FARP1: variants seen among roughly 807,000 people sequenced by gnomAD.
The protein encoded by FARP1 is FERM, ARHGEF and pleckstrin domain-containing protein 1.
A neutral mutation model predicts 128.8 loss-of-function variants in FARP1; 52 were observed. The ratio of observed to expected loss-of-function variants is 0.40; its 90% CI spans 0.32 to 0.51. The LOEUF (loss-of-function observed/expected upper bound fraction) is 0.51. Among genes scored for constraint, FARP1 ranks in the 20% least tolerant of loss-of-function variants. FARP1 has a pLI of 0.45. For synonymous variants in FARP1, 580 were observed against 551.8 expected (o/e 1.05, Z -0.72); for missense variants, 1,333 against 1,367.9 (o/e 0.97, Z 0.40).
chr13:98,388,095 G>C (rs1254767336), intron 8 of FARP1, among the ~76,000 whole-genome samples: 1 of 152,094 alleles, frequency 6.6e-6, no homozygotes, highest in Non-Finnish European at 1.5e-5. Flanking sequence ...TGGTTGTCAT[G>C]GTTTTTATTT....
At chr13:98,197,796 G>A (rs1879666416) in intron 1 of FARP1, among the ~76,000 whole-genome samples, 2 of 151,898 alleles carry the variant, frequency 1.3e-5, no homozygotes, top group South Asian at 2.1e-4. Context: ...CACCACGCCC[G>A]GCTAATTTTT....
chr13:98,167,996 C>A (rs975371522), intron 1 of FARP1, among the ~76,000 whole-genome samples: 2 of 151,830 alleles, frequency 1.3e-5, no homozygotes, highest in Non-Finnish European at 2.9e-5. Context: ...CACGGTGAAA[C>A]CCCGTCTCTA....
At chr13:98,350,615 C>T (rs193298761) in intron 3 of FARP1, among the ~76,000 whole-genome samples, 20 of 152,238 alleles carry the variant, frequency 1.3e-4, no homozygotes, top group African/African-American at 4.6e-4. Context: ...GTTGTGTTAC[C>T]GCCCTGATCC....
chr13:98,285,938 C>A (rs996549229), intron 2 of FARP1, among the ~76,000 whole-genome samples: 8 of 152,104 alleles, frequency 5.3e-5, no homozygotes, highest in African/African-American at 1.9e-4. Flanking sequence ...TTTGGGGGTC[C>A]CCTGTGTCTA....
chr13:98,364,531 G>A (rs959288611), intron 3 of FARP1, among the ~76,000 whole-genome samples: 7 of 151,950 alleles, frequency 4.6e-5, no homozygotes, highest in Non-Finnish European at 8.8e-5. Context: ...GCTGTTTCTC[G>A]TTTTCATATT....
At position 98,225,326 on chromosome 13, in the gene FARP1, T is replaced by C. The variant is rs185465630; in HGVS notation, c.171+11913T>C. ...TGCACCCAAGTAGATTTCTCCACGA[T>C]GATCAGACCTCCTGTGTGTCGCCCA... On this transcript the variant is annotated intron_variant, in intron 2 of 26. Coordinates refer to ENST00000319562, the MANE Select transcript of FARP1 (RefSeq NM_005766.4). Among the ~76,000 whole-genome samples, 9 of 152,298 alleles carry C rather than the reference T, an allele frequency of 5.9e-5. No homozygotes were observed. The East Asian group carries it at 1.7e-3, about 29-fold the overall frequency.
intron 1 of FARP1, among the ~76,000 whole-genome samples, chr13:98,145,861 C>CAA (rs140525790): frequency 0.026 from 3,415 of 130,994 alleles, 81 homozygotes; most frequent in Non-Finnish European, 0.04. Flanking sequence ...GACTCTGTCT[C>CAA]AAAAAAAAAA....
chr13:98,438,808 T>G lies in FARP1; in HGVS notation c.2279T>G (p.Phe760Cys). 1 of 1,612,518 alleles carries G rather than the reference T, an allele frequency of 6.2e-7. No homozygotes were observed. The highest frequency in any genetic ancestry group is 8.5e-7 in the Non-Finnish European group (1 of 1,179,844). The change falls in exon 20 of 27, where the codon TTC (phenylalanine) becomes TGC (cysteine). Residue 760 changes from phenylalanine to cysteine, a missense_variant. Physicochemically the swap from Phe to Cys is radical, Grantham distance 205 (BLOSUM62 -2). Around this residue, in one of 2 missense-constraint regions of FARP1, gnomAD observed 1,009 missense variants for 969.8 expected, o/e 1.04. Transcript: ENST00000319562. The stretch of plus-strand genomic sequence containing the variant: ...TCCGGTCTGTCTCCCCTGCAGGAGT[T>G]CATCCGTCTGGGCAGCCTCAGCAAG... ...IDNLVVPGRE[F>C]IRLGSLSKLS...
chr13:98,187,268 T>C (rs1878940650), intron 1 of FARP1, among the ~76,000 whole-genome samples: 1 of 152,198 alleles, frequency 6.6e-6, no homozygotes, highest in Non-Finnish European at 1.5e-5. Context: ...AGCCTCCTCT[T>C]TGGTGATGGT....
At chr13:98,169,731 G>A (rs1328510636) in intron 1 of FARP1, among the ~76,000 whole-genome samples, 1 of 151,984 alleles carries the variant, frequency 6.6e-6, no homozygotes, top group African/African-American at 2.4e-5. Flanking sequence ...TTTCTCCCTG[G>A]AACATTTTAG....
chr13:98,393,395 C>T (rs1455914215), intron 11 of FARP1, among the ~76,000 whole-genome samples: 1 of 152,132 alleles, frequency 6.6e-6, no homozygotes, highest in East Asian at 1.9e-4. Flanking sequence ...ACGAGCTGCA[C>T]CGTGAGAACT....
At chr13:98,142,851 C>A (rs1273397001), upstream of FARP1, 1 of 152,024 alleles carries the variant, frequency 6.6e-6, no homozygotes, top group Non-Finnish European at 1.5e-5. Flanking sequence ...GGTAGCGCCG[C>A]GCGGAGCCCG....
intron 2 of FARP1, among the ~76,000 whole-genome samples, chr13:98,297,843 G>A (rs1242125389): frequency 6.6e-6 from 1 of 152,168 alleles, no homozygotes; most frequent in African/African-American, 2.4e-5. Context: ...GTTGTCAGTT[G>A]TATCTAAGAA....
At chr13:98,437,654 G>A (rs1882255059) in intron 19 of FARP1, 12 of 631,064 alleles carry the variant, frequency 1.9e-5, no homozygotes, top group Non-Finnish European at 2.6e-5. Context: ...ATAGCTGGGC[G>A]CAGGAAGATG....
intron 1 of FARP1, among the ~76,000 whole-genome samples, chr13:98,190,735 T>G: frequency 4.1e-5 from 1 of 24,572 alleles, no homozygotes; most frequent in South Asian, 1.8e-3. Context: ...CTTTTTAAGT[T>G]TTTTTTTTTT....
At chr13:98,246,456 G>A (rs1883072608) in intron 2 of FARP1, among the ~76,000 whole-genome samples, 1 of 151,884 alleles carries the variant, frequency 6.6e-6, no homozygotes, top group South Asian at 2.1e-4. Flanking sequence ...TCTGATTCTT[G>A]TAACTTAAAA....
At chr13:98,347,086 C>G (rs1374307702) in intron 3 of FARP1, among the ~76,000 whole-genome samples, 1 of 152,186 alleles carries the variant, frequency 6.6e-6, no homozygotes, top group Non-Finnish European at 1.5e-5. Context: ...TGAGGAAGAG[C>G]ATCTCACCTT....
intron 2 of FARP1, among the ~76,000 whole-genome samples, chr13:98,253,662 C>A (rs1883455266): frequency 6.6e-6 from 1 of 151,564 alleles, no homozygotes; most frequent in South Asian, 2.1e-4. Flanking sequence ...TTGCTGCGTT[C>A]ATCCAAGGTC....
intron 16 of FARP1, among the ~76,000 whole-genome samples, chr13:98,416,203 A>T (rs1274645212): frequency 6.6e-6 from 1 of 152,196 alleles, no homozygotes; most frequent in African/African-American, 2.4e-5. Context: ...TGTTACATTA[A>T]CTAAAGTCCA....
Sources: gnomAD v4.1 joint callset for allele counts (sites outside exome capture counted in the v4.1 genomes callset) on GRCh38, gnomAD v4.1.1 for gene constraint, gnomAD v4.1.1 regional missense constraint, MANE v1.5 for transcripts, NCBI Gene and HGNC (gene_info 2026-07-23, HGNC 2026-07-21) for gene names.